Variants in C1QTNF7 observed in about 807,000 individuals in gnomAD.
C1QTNF7 encodes complement C1q tumor necrosis factor-related protein 7.
In C1QTNF7, 15 loss-of-function variants were observed where a neutral mutation model predicts 19.6. The observed-to-expected ratio is 0.76, with a 90% CI of 0.51 to 1.18. The LOEUF is 1.18. Ranked by LOEUF, C1QTNF7 falls within the 50% of genes most tolerant of loss-of-function variation. The pLI is 0.00. For missense variants in C1QTNF7, 324 were observed against 359.7 expected, an observed-to-expected ratio of 0.90 and a Z score of 0.80; for synonymous variants, 142 against 137.5, an observed-to-expected ratio of 1.03 and a Z score of -0.23.
At chr4:15,417,620 G>A (rs1229014490) in intron 1 of C1QTNF7, among the ~76,000 whole-genome samples, 1 of 152,136 alleles carries the variant, frequency 6.6e-6, no homozygotes, top group Non-Finnish European at 1.5e-5. Flanking sequence ...CTACAAATAT[G>A]GTGGCACACA....
At chr4:15,341,973 G>A (rs1716559127) in intron 1 of C1QTNF7, among the ~76,000 whole-genome samples, 1 of 152,210 alleles carries the variant, frequency 6.6e-6, no homozygotes, top group African/African-American at 2.4e-5. Context: ...GGCCCGCCAG[G>A]CCCCACCCCA....
chr4:15,430,074 G>A (rs1712236555), intron 1 of C1QTNF7, among the ~76,000 whole-genome samples: 1 of 152,092 alleles, frequency 6.6e-6, no homozygotes, highest in African/African-American at 2.4e-5. Flanking sequence ...CGAGAACAAA[G>A]GGCTCCATGA....
intron 1 of C1QTNF7, among the ~76,000 whole-genome samples, chr4:15,420,257 A>G (rs1299932246): frequency 6.6e-6 from 1 of 152,174 alleles, no homozygotes; most frequent in African/African-American, 2.4e-5. Context: ...TGAAAAAACT[A>G]CTTATTCCAT....
intron 1 of C1QTNF7, among the ~76,000 whole-genome samples, chr4:15,393,756 G>A (rs181027799): frequency 2.0e-5 from 3 of 152,222 alleles, no homozygotes; most frequent in East Asian, 3.9e-4. Context: ...ACAACTAGAC[G>A]CCATGAGAGC....
intron 1 of C1QTNF7, among the ~76,000 whole-genome samples, chr4:15,388,419 A>C (rs181263513): frequency 4.2e-4 from 64 of 152,316 alleles, no homozygotes; most frequent in African/African-American, 1.5e-3. Flanking sequence ...CCAAGGAGTC[A>C]AGTATGTGTT....
At chr4:15,433,074 C>A (rs2108936324) in intron 1 of C1QTNF7, among the ~76,000 whole-genome samples, 1 of 152,292 alleles carries the variant, frequency 6.6e-6, no homozygotes, top group Non-Finnish European at 1.5e-5. Flanking sequence ...CTGTCCAAAT[C>A]AACTTCTCTG....
intron 2 of C1QTNF7, among the ~76,000 whole-genome samples, chr4:15,441,823 C>T (rs917860878): frequency 6.6e-6 from 1 of 152,026 alleles, no homozygotes; most frequent in African/African-American, 2.4e-5. Context: ...AGTTCAAGAC[C>T]AGCCTGGCCA....
At chr4:15,342,561 C>G (rs1339287229) in intron 1 of C1QTNF7, among the ~76,000 whole-genome samples, 1 of 152,132 alleles carries the variant, frequency 6.6e-6, no homozygotes, top group Non-Finnish European at 1.5e-5. Context: ...TCAAAGAAAG[C>G]GTCCCACAAA....
chr4:15,353,198 C>A (rs1716994303), intron 1 of C1QTNF7, among the ~76,000 whole-genome samples: 1 of 152,112 alleles, frequency 6.6e-6, no homozygotes, highest in Non-Finnish European at 1.5e-5. Flanking sequence ...CTGGTGCAAT[C>A]CCCACTTTAA....
At chr4:15,373,788 C>G (rs888213179) in intron 1 of C1QTNF7, 4 of 152,212 alleles carry the variant, frequency 2.6e-5, no homozygotes, top group Non-Finnish European at 4.4e-5. Context: ...TTCCTGGCCA[C>G]TATACTCCTC....
chr4:15,427,569 G>A, upstream of C1QTNF7, among the ~76,000 whole-genome samples: 1 of 152,134 alleles, frequency 6.6e-6, no homozygotes, highest in East Asian at 1.9e-4. Flanking sequence ...CTATTTTCCT[G>A]CCATATTTAC....
chr4:15,442,375 C>A lies in C1QTNF7; in HGVS notation c.446C>A (p.Ala149Asp). ...CRCGSIVLKS[A>D]FSVGITTSYP... The stretch of plus-strand genomic sequence containing the variant: ...TGTGGAAGCATCGTGCTCAAATCCG[C>A]CTTTTCTGTTGGCATCACAACCAGC... Residue 149 changes from alanine to aspartate, a missense_variant, in exon 3 of 3, where the codon GCC becomes GAC. Ala to Asp is a moderately radical substitution (Grantham distance 126, BLOSUM62 -2). Transcript: ENST00000444304. 6.2e-7 allele frequency: 1 copy of A among 1,614,152 alleles called. No homozygotes were observed. Among genetic ancestry groups the A allele is most frequent in the Non-Finnish European group, 8.5e-7 (1 of 1,180,030 alleles).
At chr4:15,389,911 G>A (rs374705003) in intron 1 of C1QTNF7, among the ~76,000 whole-genome samples, 78 of 152,272 alleles carry the variant, frequency 5.1e-4, no homozygotes, top group African/African-American at 1.5e-3. Flanking sequence ...ACTGTGCATC[G>A]TGTTAAAGAC....
intron 1 of C1QTNF7, chr4:15,374,899 T>TA: frequency 2.6e-6 from 1 of 391,534 alleles, no homozygotes; most frequent in Middle Eastern, 1.3e-3. Context: ...CAGGGGTGTT[T>TA]ACCGACTGGG....
chr4:15,407,661 T>C (rs957569866), intron 1 of C1QTNF7, among the ~76,000 whole-genome samples: 10 of 151,832 alleles, frequency 6.6e-5, no homozygotes, highest in Non-Finnish European at 1.5e-4. Flanking sequence ...AGAGCATTAG[T>C]AAAAAAAACA....
chr4:15,347,033 C>CA (rs904212768), intron 1 of C1QTNF7, among the ~76,000 whole-genome samples: 3 of 151,860 alleles, frequency 2.0e-5, no homozygotes, highest in African/African-American at 4.8e-5. Flanking sequence ...TTATTACCTA[C>CA]AAAAAAAATG....
At chr4:15,373,819 T>G (rs897041881) in intron 1 of C1QTNF7, 1 of 152,194 alleles carries the variant, frequency 6.6e-6, no homozygotes, top group African/African-American at 2.4e-5. Context: ...CAAAAGTCAC[T>G]CAATGGTTTC....
At chr4:15,417,508 G>T (rs1286941813) in intron 1 of C1QTNF7, among the ~76,000 whole-genome samples, 4 of 152,238 alleles carry the variant, frequency 2.6e-5, no homozygotes, top group African/African-American at 7.2e-5. Flanking sequence ...CAGGCACAGT[G>T]GTTCATGCCT....
intron 2 of C1QTNF7, among the ~76,000 whole-genome samples, chr4:15,440,125 T>C (rs1712692349): frequency 6.6e-6 from 1 of 152,152 alleles, no homozygotes; most frequent in Non-Finnish European, 1.5e-5. Flanking sequence ...AGCCTATAGT[T>C]GGTCTGCAGA....
Sources: allele counts gnomAD v4.1 joint callset (sites outside exome capture counted in the v4.1 genomes callset), GRCh38; gene constraint gnomAD v4.1.1; transcripts MANE v1.5; gene names NCBI Gene and HGNC (gene_info 2026-07-23, HGNC 2026-07-21).